CSGALNACT1: variants seen among roughly 807,000 people sequenced by gnomAD.
CSGALNACT1 encodes beta4GalNAcT-1.
CSGALNACT1 carries 52 observed loss-of-function variants against 51.0 expected under a neutral mutation model. The observed-to-expected ratio is 1.02, with a 90% confidence interval of 0.82 to 1.29. The LOEUF is 1.29. Among genes scored for constraint, CSGALNACT1 ranks in the 50% most tolerant of loss-of-function variants. The probability of loss-of-function intolerance (pLI) is 0.00; values close to 1 mark genes in which losing one functional copy is unlikely to be tolerated. For missense variants in CSGALNACT1, 935 were observed against 679.2 expected, an observed-to-expected ratio of 1.38 and a Z score of -4.19; for synonymous variants, 341 against 254.4, an observed-to-expected ratio of 1.34 and a Z score of -3.24.
chr8:19,628,958 C>T (rs1388892354), intron 1 of CSGALNACT1, among the ~76,000 whole-genome samples: 3 of 152,240 alleles, frequency 2.0e-5, no homozygotes, highest in Non-Finnish European at 4.4e-5. Context: ...GTCAGTCAGT[C>T]CCATAGGAAA....
In CSGALNACT1 at chr8:19,508,730, T is replaced by C. The variant is rs554743297; in HGVS notation, c.-296-2600A>G. Among the ~76,000 whole-genome samples the C allele has an allele frequency of 7.9e-5, 12 of 152,366 alleles. No homozygotes were observed. In the South Asian group the frequency reaches 2.1e-3, roughly 26 times the overall value. On this transcript the variant is annotated intron_variant, in intron 3 of 9. Transcript: ENST00000454498. ...ACAAAAATGGAGTAGTCAACACATT[T>C]TGTTGTGTTGTGGAAACTTAAATTA...
chr8:19,594,908 C>T (rs867189668), intron 2 of CSGALNACT1, among the ~76,000 whole-genome samples: 3 of 152,086 alleles, frequency 2.0e-5, no homozygotes, highest in African/African-American at 7.2e-5. Context: ...CTTTTATATA[C>T]CTACCCTCCA....
chr8:19,435,883 C>G (rs1358349797), intron 6 of CSGALNACT1, among the ~76,000 whole-genome samples: 1 of 152,028 alleles, frequency 6.6e-6, no homozygotes, highest in African/African-American at 2.4e-5. Context: ...ATGCAGCACA[C>G]ACACACACAC....
At chr8:19,475,002 TGA>T (rs1326148307) in intron 4 of CSGALNACT1, among the ~76,000 whole-genome samples, 2 of 151,592 alleles carry the variant, frequency 1.3e-5, no homozygotes, top group Admixed American at 1.3e-4. Context: ...GAAACAGAAG[TGA>T]GCAGCTATAA....
At chr8:19,730,875 C>A (rs1010916657) in intron 1 of CSGALNACT1, among the ~76,000 whole-genome samples, 1 of 152,196 alleles carries the variant, frequency 6.6e-6, no homozygotes. Context: ...GAGCTGAAAC[C>A]AGCTCTCCCT....
chr8:19,445,348 T>G (rs932614154), intron 5 of CSGALNACT1, among the ~76,000 whole-genome samples: 7 of 152,260 alleles, frequency 4.6e-5, no homozygotes, highest in African/African-American at 1.7e-4. Flanking sequence ...GAGGGTCACC[T>G]GCTAAGTGTG....
intron 3 of CSGALNACT1, among the ~76,000 whole-genome samples, chr8:19,566,586 T>A (rs989961322): frequency 2.0e-5 from 3 of 152,186 alleles, no homozygotes; most frequent in Non-Finnish European, 2.9e-5. Flanking sequence ...ATGTTTCCGT[T>A]TCTAAGAAAA....
At chr8:19,531,708 C>G (rs1020490697) in intron 3 of CSGALNACT1, 1 of 152,214 alleles carries the variant, frequency 6.6e-6, no homozygotes, top group East Asian at 1.9e-4. Context: ...TCAACTGTGA[C>G]TTCGGTGGAA....
intron 1 of CSGALNACT1, among the ~76,000 whole-genome samples, chr8:19,657,068 A>T (rs1160090508): frequency 2.0e-5 from 1 of 49,672 alleles, no homozygotes; most frequent in Non-Finnish European, 5.4e-5. Flanking sequence ...ATCTCATTAA[A>T]AAAAAAAAAA....
intron 1 of CSGALNACT1, among the ~76,000 whole-genome samples, chr8:19,656,958 C>T (rs1183974980): frequency 6.6e-6 from 1 of 151,170 alleles, no homozygotes; most frequent in Non-Finnish European, 1.5e-5. Context: ...CCCAGCTATT[C>T]AGGAGGCTGA....
At chr8:19,725,939 G>T (rs942033757) in intron 1 of CSGALNACT1, among the ~76,000 whole-genome samples, 6 of 152,090 alleles carry the variant, frequency 3.9e-5, no homozygotes, top group Non-Finnish European at 7.3e-5. Flanking sequence ...TTCACTCTCG[G>T]TATTGTACAT....
chr8:19,615,982 T>C (rs556724895), intron 1 of CSGALNACT1, among the ~76,000 whole-genome samples: 56 of 152,310 alleles, frequency 3.7e-4, no homozygotes, highest in African/African-American at 1.3e-3. Flanking sequence ...AATAGGCATA[T>C]CCATATCATC....
intron 4 of CSGALNACT1, among the ~76,000 whole-genome samples, chr8:19,492,652 C>G (rs1429072713): frequency 6.6e-6 from 1 of 152,204 alleles, no homozygotes; most frequent in Non-Finnish European, 1.5e-5. Context: ...TCAACACCAG[C>G]TGGAAGCCCA....
intron 1 of CSGALNACT1, among the ~76,000 whole-genome samples, chr8:19,622,428 T>G (rs887144311): frequency 6.6e-6 from 1 of 152,196 alleles, no homozygotes; most frequent in South Asian, 2.1e-4. Flanking sequence ...TACAAGCCAG[T>G]TGTTAAATGT....
chr8:19,423,314 G>C (rs890411030), intron 6 of CSGALNACT1, among the ~76,000 whole-genome samples: 5 of 152,158 alleles, frequency 3.3e-5, no homozygotes, highest in African/African-American at 1.2e-4. Context: ...AAGAATACAA[G>C]ACAGTGTTAG....
At chr8:19,664,128 C>A (rs190043054) in intron 1 of CSGALNACT1, among the ~76,000 whole-genome samples, 2 of 152,306 alleles carry the variant, frequency 1.3e-5, no homozygotes, top group Non-Finnish European at 2.9e-5. Context: ...GCCATTACTT[C>A]TTGATATTGA....
intron 8 of CSGALNACT1, among the ~76,000 whole-genome samples, chr8:19,412,651 G>A (rs1009529366): frequency 6.6e-6 from 1 of 152,190 alleles, no homozygotes; most frequent in Non-Finnish European, 1.5e-5. Context: ...GCTGCACAGG[G>A]CCCCCATACA....
At chr8:19,665,915 C>T in intron 1 of CSGALNACT1, among the ~76,000 whole-genome samples, 1 of 152,222 alleles carries the variant, frequency 6.6e-6, no homozygotes, top group East Asian at 1.9e-4. Context: ...AATGGACCTA[C>T]ATTCATCTAA....
chr8:19,738,149 C>T (rs1589767512), intron 1 of CSGALNACT1, among the ~76,000 whole-genome samples: 1 of 152,154 alleles, frequency 6.6e-6, no homozygotes, highest in East Asian at 1.9e-4. Flanking sequence ...ATCACTTGAG[C>T]CCAAGAATTC....
Sources: gnomAD v4.1 joint callset for allele counts (sites outside exome capture counted in the v4.1 genomes callset) on GRCh38, gnomAD v4.1.1 for gene constraint, MANE v1.5 for transcripts, NCBI Gene and HGNC (gene_info 2026-07-23, HGNC 2026-07-21) for gene names.